The following DSP variants were observed in gnomAD, a reference collection of about 807,000 sequenced individuals.
DSP encodes desmoplakin, also known as 250/210 kDa paraneoplastic pemphigus antigen.
DSP carries 114 observed loss-of-function variants against 290.6 expected under a neutral mutation model. The observed-to-expected ratio is 0.39, with a 90% CI of 0.34 to 0.46. The LOEUF (loss-of-function observed/expected upper bound fraction) is 0.46, where lower values mean the gene tolerates loss of function less well. DSP is among the 20% of genes least tolerant of loss of function. The pLI is 0.99. For synonymous variants in DSP, 1,311 were observed against 1,316.4 expected, an observed-to-expected ratio of 1.00 and a Z score of 0.09; for missense variants, 3,230 against 3,495.8, an observed-to-expected ratio of 0.92 and a Z score of 1.92.
chr6:7,585,729 C>CCGGGGTCCCGCT lies in DSP; in HGVS notation c.8469_8480dup (p.Ser2843_Arg2846dup), dbSNP rs1561705871. 1 of 1,612,342 alleles carries CCGGGGTCCCGCT rather than the reference C, an allele frequency of 6.2e-7. No homozygotes were observed. The highest frequency in any genetic ancestry group is 1.7e-5 in the Admixed American group (1 of 59,738). On this transcript the variant is annotated inframe_insertion, in exon 24 of 24. Coordinates refer to ENST00000379802, the MANE Select transcript of DSP (RefSeq NM_004415.4). Reference sequence around the variant, plus strand: ...CAGCCCTTACAACATGTCTTCGGCTCCGGGGTCCCGCTCCGGCTCCCGCTC... The same window carrying CCGGGGTCCCGCT: ...CAGCCCTTACAACATGTCTTCGGCTCCGGGGTCCCGCTCGGGGTCCCGCTCCGGCTCCCGCTC...
In DSP at chr6:7,586,312, T is replaced by TC. The variant is rs1242806901; in HGVS notation, c.*437dup. The TC allele has an allele frequency of 1.1e-5, 2 of 179,078 alleles. No individual in the cohort carries two copies. The highest frequency in any genetic ancestry group is 4.8e-5 in the African/African-American group (2 of 41,576). The allele number at this position is 179,078 out of a possible 1,614,324, so 11.1% of individuals were successfully genotyped here. ...ATTCTGTATTAGGAGAAAATTACCC[T>TC]CCCAGCACCAGCCCCCCTCTCAAAC... On this transcript the variant is annotated 3_prime_UTR_variant, in exon 24 of 24. Transcript: ENST00000379802.
In DSP at chr6:7,568,613, CAA is replaced by C. The variant is rs786204295; in HGVS notation, c.1419+27_1419+28del. ...AGGTGTGTACTCATTTAGAATGATA[CAA>C]AAGTTTTCCCTGTCTTTACACACAA... On this transcript the variant is annotated intron_variant, in intron 11 of 23. Coordinates refer to ENST00000379802, the MANE Select transcript of DSP (RefSeq NM_004415.4). The C allele has an allele frequency of 6.3e-5, 102 of 1,612,712 alleles. No homozygotes were observed. Among genetic ancestry groups the C allele is most frequent in the Non-Finnish European group, 8.5e-5 (100 of 1,179,914 alleles).
In DSP at chr6:7,586,328, C is replaced by G. The variant is rs1231479646; in HGVS notation, c.*450C>G. On this transcript the variant is annotated 3_prime_UTR_variant, in exon 24 of 24. Transcript: ENST00000379802. ...AAATTACCCTCCCAGCACCAGCCCC[C>G]CTCTCAAACCCCCAACCCAAAACCA... 5.7e-6 allele frequency: 1 copy of G among 175,908 alleles called. No individual in the cohort carries two copies. Among genetic ancestry groups the G allele is most frequent in the Non-Finnish European group, 1.2e-5 (1 of 82,586 alleles). 10.9% of individuals were successfully genotyped at this position (175,908 alleles called of 1,614,324 possible).
chr6:7,580,858 C>T lies in DSP; in HGVS notation c.4668C>T (p.Ile1556=), dbSNP rs1299604004. 8 of 1,614,014 alleles carry T rather than the reference C, an allele frequency of 5.0e-6. No individual in the cohort carries two copies. The highest frequency in any genetic ancestry group is 2.2e-5 in the East Asian group (1 of 44,888). The change falls in exon 23 of 24, where the codon ATC becomes ATT. Residue 1556 remains isoleucine, a synonymous_variant. Transcript: ENST00000379802. This position sits in a 1 kb window ranked among gnomAD's most constrained non-coding sequence, Gnocchi z 4.2. ...SQERTVKDQD[I]TRFQNSLKEL... ...AGAGGACTGTGAAGGACCAGGATAT[C>T]ACGCGGTTCCAGAACTCTCTGAAAG...
rs184245023 is a variant in DSP at position 7,569,601 on chromosome 6, G to A, written c.1574+261G>A. ...TGTAATCCCAGCACTTGGGGAGACCGAGGTGGGCGGATCACCTGAGGTTAG... is the reference window on the plus strand; with the variant it reads ...TGTAATCCCAGCACTTGGGGAGACCAAGGTGGGCGGATCACCTGAGGTTAG... On this transcript the variant is annotated intron_variant, in intron 12 of 23. Coordinates refer to ENST00000379802, the MANE Select transcript of DSP (RefSeq NM_004415.4). 4.3e-4 allele frequency among the ~76,000 whole-genome samples: 66 copies of A among 152,328 alleles called. No individual in the cohort carries two copies. In the East Asian group the frequency reaches 7.9e-3, roughly 18 times the overall value.
chr6:7,579,735 G>A lies in DSP; in HGVS notation c.3545G>A (p.Gly1182Asp). 1 of 1,613,696 alleles carries A rather than the reference G, an allele frequency of 6.2e-7. No homozygotes were observed. The highest frequency in any genetic ancestry group is 8.5e-7 in the Non-Finnish European group (1 of 1,179,790). The change falls in exon 23 of 24, where the codon GGC (glycine) becomes GAC (aspartate). Residue 1182 changes from glycine to aspartate, a missense_variant. Physicochemically the swap from Gly to Asp is moderately conservative, Grantham distance 94. Transcript: ENST00000379802. This position sits in a 1 kb window ranked among gnomAD's most constrained non-coding sequence, Gnocchi z 4.1. ...TTGAGGGTTCTACTGCAGGAAGAAG[G>A]CACCCGGAAGAGAGAATATGAAAAT... ...ERLRVLLQEE[G>D]TRKREYENEL...
rs746413668 is a variant in DSP, at chr6:7,584,293, C to T, written c.7031C>T (p.Thr2344Ile). 2 of 1,614,184 alleles carry T rather than the reference C, an allele frequency of 1.2e-6. No individual in the cohort carries two copies. Among genetic ancestry groups the T allele is most frequent in the Non-Finnish European group, 1.7e-6 (2 of 1,180,028 alleles). ...RAVTGYNDPETGNIISLFQAM... is the reference protein window; with the variant it reads ...RAVTGYNDPEIGNIISLFQAM... ...GTCACTGGGTATAATGATCCTGAAA[C>T]AGGAAACATCATCTCTTTGTTCCAA... The change falls in exon 24 of 24, where the codon ACA (threonine) becomes ATA (isoleucine). Residue 2344 changes from threonine to isoleucine, a missense_variant. Physicochemically the swap from Thr to Ile is moderately conservative, Grantham distance 89. Transcript: ENST00000379802. The surrounding 1 kb of genome is among the most constrained non-coding windows in gnomAD (Gnocchi z 6.4).
intron 6 of DSP, among the ~76,000 whole-genome samples, chr6:7,564,686 T>A (rs1366292575): frequency 6.6e-6 from 1 of 152,204 alleles, no homozygotes; most frequent in East Asian, 1.9e-4. Context: ...ATTTGTAATG[T>A]TCCCAACACA....
chr6:7,577,635 G>A lies in DSP; in HGVS notation c.2878-144G>A, dbSNP rs1759280718. ...GAGCCACCACGCTAATGTAGTATTA[G>A]TTGCTTGGCCACTAGTGGCGCAAAG... On this transcript the variant is annotated intron_variant, in intron 20 of 23. Transcript: ENST00000379802. 3 of 755,862 alleles carry A rather than the reference G, an allele frequency of 4.0e-6. No individual in the cohort carries two copies. In the South Asian group the frequency reaches 4.2e-5, roughly 11 times the overall value. 46.8% of individuals were successfully genotyped at this position (755,862 alleles called of 1,614,324 possible). A position where few individuals can be genotyped will look rare whatever the true frequency, so the allele number is the denominator to read the frequency against.
At position 7,575,311 on chromosome 6, in the gene DSP, T is replaced by C; in HGVS notation, c.2453T>C (p.Leu818Ser). 1 of 1,614,120 alleles carries C rather than the reference T, an allele frequency of 6.2e-7. No homozygotes were observed. The highest frequency in any genetic ancestry group is 1.3e-5 in the African/African-American group (1 of 75,026). ...RCGLKKIKND[L>S]NLKKSLLATM... Reference sequence around the variant, plus strand: ...ATCTTGCAGAAAATAAAAAATGACTTGAACTTGAAGAAGTCGTTGTTGGCC... The same window carrying C: ...ATCTTGCAGAAAATAAAAAATGACTCGAACTTGAAGAAGTCGTTGTTGGCC... Residue 818 changes from leucine (L) to serine (S), a missense_variant, in exon 18 of 24, where the codon TTG becomes TCG. Physicochemically the swap from Leu to Ser is moderately radical, Grantham distance 145 (BLOSUM62 -2). Transcript: ENST00000379802.
Position 7,579,619 on chromosome 6 carries a change from G to A in DSP, c.3429G>A (p.Gln1143=). The A allele has an allele frequency of 6.2e-7, 1 of 1,614,034 alleles. No homozygotes were observed. Among genetic ancestry groups the A allele is most frequent in the Non-Finnish European group, 8.5e-7 (1 of 1,180,036 alleles). Residue 1143 remains glutamine (Q), a synonymous_variant, in exon 23 of 24, where the codon CAG becomes CAA. Transcript: ENST00000379802. The surrounding 1 kb of genome is among the most constrained non-coding windows in gnomAD (Gnocchi z 4.1). ...DQQKNDYDQL[Q]KARQCEKENL... is the part of the protein sequence containing the mutation. ...AGAAGAATGACTATGACCAACTGCA[G>A]AAAGCAAGGCAATGTGAAAAGGAGA...
intron 4 of DSP, 63 bp from the exon 5 acceptor site, chr6:7,562,589 G>A (rs766165850): frequency 4.1e-5 from 66 of 1,610,692 alleles, no homozygotes; most frequent in African/African-American, 1.6e-4. Flanking sequence ...GATGGTGTGC[G>A]TAAGTGAAAC....
chr6:7,567,539 C>CA, intron 9 of DSP, 90 bp downstream of exon 9: 1 of 1,279,560 alleles, frequency 7.8e-7, no homozygotes, highest in East Asian at 2.3e-5. Flanking sequence ...AAATAATCTT[C>CA]AAAATGTTGC....
chr6:7,551,896 G>A (rs1461639896), intron 1 of DSP, among the ~76,000 whole-genome samples: 1 of 152,148 alleles, frequency 6.6e-6, no homozygotes, highest in East Asian at 1.9e-4. Flanking sequence ...TTGATGGACC[G>A]AGCCATTCAC....
rs112246801 is a variant in DSP, at chr6:7,569,115, C to T, written c.1420-71C>T. ...ATTCGCATGTGTTCATCTCTGTTTC[C>T]ATCATTGAGAAAAAAAATAAAAACA... On this transcript the variant is annotated intron_variant, in intron 11 of 23. Transcript: ENST00000379802. 1.6e-3 allele frequency: 2,513 copies of T among 1,602,816 alleles called. 37 individuals carry two copies. The African/African-American group carries it at 0.022, about 14-fold the overall frequency.
In DSP at chr6:7,577,619, C is replaced by T. The variant is rs532684619; in HGVS notation, c.2878-160C>T. ...CCAGGATTATGGGTGTGAGCCACCA[C>T]GCTAATGTAGTATTAGTTGCTTGGC... On this transcript the variant is annotated intron_variant, in intron 20 of 23. Coordinates refer to ENST00000379802, the MANE Select transcript of DSP (RefSeq NM_004415.4). 4.5e-4 allele frequency among the ~76,000 whole-genome samples: 69 copies of T among 152,322 alleles called. No individual in the cohort carries two copies. The South Asian group carries it at 7.9e-3, about 17-fold the overall frequency.
rs767259019 is a variant in DSP, at chr6:7,583,101, T to C, written c.5839T>C (p.Tyr1947His). 7 of 1,613,952 alleles carry C rather than the reference T, an allele frequency of 4.3e-6. No homozygotes were observed. The African/African-American group carries it at 9.3e-5, about 22-fold the overall frequency. The change falls in exon 24 of 24, where the codon TAT becomes CAT. Residue 1947 changes from tyrosine to histidine, a missense_variant. Tyr to His is a moderately conservative substitution (Grantham distance 83). This residue lies in a region of DSP where 1,714 missense variants were observed against 1,844.5 expected (regional missense o/e 0.93). Transcript: ENST00000379802. This position sits in a 1 kb window ranked among gnomAD's most constrained non-coding sequence, Gnocchi z 4.0. ...GATTGATAAACTCAGACAGCGCCCA[T>C]ATGGGTCCCATCGAGAGACCCAGAC... Reference protein sequence around the residue: ...REIDKLRQRPYGSHRETQTEC... With the variant: ...REIDKLRQRPHGSHRETQTEC...
rs1481465109 is a variant in DSP, at chr6:7,585,715, A to T, written c.8453A>T (p.Asn2818Ile). The change falls in exon 24 of 24, where the codon AAC becomes ATC. Residue 2818 changes from asparagine to isoleucine, a missense_variant. Coordinates refer to ENST00000379802, the MANE Select transcript of DSP (RefSeq NM_004415.4). ...VSSKGLPSPYNMSSAPGSRSG... is the reference protein window; with the variant it reads ...VSSKGLPSPYIMSSAPGSRSG... ...TCCAAGGGCTTACCCAGCCCTTACA[A>T]CATGTCTTCGGCTCCGGGGTCCCGC... 1.9e-6 allele frequency: 3 copies of T among 1,613,398 alleles called. No homozygotes were observed. In the South Asian group the frequency reaches 3.3e-5, roughly 18 times the overall value.
At chr6:7,569,064 A>AG in intron 11 of DSP, 122 bp from the exon 12 acceptor site, 1 of 1,337,524 alleles carries the variant, frequency 7.5e-7, no homozygotes, top group Non-Finnish European at 1.0e-6. Context: ...GCTTCATTTG[A>AG]GGGGAAAAAC....
Sources: gnomAD v4.1 joint callset for allele counts (sites outside exome capture counted in the v4.1 genomes callset) on GRCh38, gnomAD v4.1.1 for gene constraint, gnomAD v4.1.1 regional missense constraint, Gnocchi (gnomAD v3.1) non-coding constraint, MANE v1.5 for transcripts, NCBI Gene and HGNC (gene_info 2026-07-23, HGNC 2026-07-21) for gene names.